Variants in CXADR observed in about 807,000 individuals in gnomAD.
CXADR encodes CXADR cell adhesion molecule.
In CXADR, 20 loss-of-function variants were observed where a neutral mutation model predicts 40.3. The ratio of observed to expected loss-of-function variants is 0.50; its 90% CI spans 0.35 to 0.72. CXADR has a LOEUF of 0.72. Among genes scored for constraint, CXADR ranks in the 30% least tolerant of loss-of-function variants. The probability of loss-of-function intolerance (pLI) is 0.01; values close to 1 mark genes in which losing one functional copy is unlikely to be tolerated. For missense variants in CXADR, 332 were observed against 449.1 expected (o/e 0.74, Z 2.36); for synonymous variants, 150 against 161.3 (o/e 0.93, Z 0.53).
chr21:17,561,986 TG>T (rs2061128792), intron 6 of CXADR, among the ~76,000 whole-genome samples: 1 of 152,144 alleles, frequency 6.6e-6, no homozygotes, highest in African/African-American at 2.4e-5. Flanking sequence ...AGGTCTAGGG[TG>T]GGGTCTGGAC....
chr21:17,602,664 T>C, the CXADR span, among the ~76,000 whole-genome samples: 2 of 152,124 alleles, frequency 1.3e-5, no homozygotes, highest in African/African-American at 4.8e-5. Context: ...TTTGGCAAAT[T>C]TACATATAAA....
At chr21:17,593,080 T>G (rs904108790) in intron 7 of CXADR, 2 of 1,224,880 alleles carry the variant, frequency 1.6e-6, no homozygotes, top group Non-Finnish European at 2.1e-6. Flanking sequence ...TTGCTGATCT[T>G]AGTTTTTAAA....
At chr21:17,536,819 T>C (rs1221076342) in intron 1 of CXADR, among the ~76,000 whole-genome samples, 1 of 152,120 alleles carries the variant, frequency 6.6e-6, no homozygotes, top group Non-Finnish European at 1.5e-5. Context: ...TGCAGTGGTG[T>C]GATCTCAGCT....
chr21:17,611,921 G>A, the CXADR span: 5 of 152,236 alleles, frequency 3.3e-5, no homozygotes, highest in African/African-American at 4.8e-5. Flanking sequence ...CGTTCCCAAG[G>A]TGGAGGGCGC....
the CXADR span, among the ~76,000 whole-genome samples, chr21:17,619,803 A>G: frequency 8.6e-6 from 1 of 116,312 alleles, no homozygotes; most frequent in South Asian, 2.5e-4. Context: ...TTTCTCTATC[A>G]GCATTTACTG....
chr21:17,559,154 TA>T (rs2061073935), intron 4 of CXADR, 23 bp downstream of exon 4: 2 of 1,612,644 alleles, frequency 1.2e-6, no homozygotes, highest in East Asian at 2.2e-5. Flanking sequence ...ATAGTATTTG[TA>T]CCACATGCCA....
chr21:17,581,092 T>C (rs17694166), intron 7 of CXADR, among the ~76,000 whole-genome samples: 9,661 of 152,280 alleles, frequency 0.063, 342 homozygotes, highest in Middle Eastern at 0.11. Context: ...CAGGTCATTC[T>C]GTATTTCCCT....
At position 17,566,906 on chromosome 21, in the gene CXADR, T is replaced by G; in HGVS notation, c.*1214T>G. 2 of 983,560 alleles carry G rather than the reference T, an allele frequency of 2.0e-6. No individual in the cohort carries two copies. Among genetic ancestry groups the G allele is most frequent in the Non-Finnish European group, 2.4e-6 (2 of 829,052 alleles). 60.9% of individuals were successfully genotyped at this position (983,560 alleles called of 1,614,324 possible). A position where few individuals can be genotyped will look rare whatever the true frequency, so the allele number is the denominator to read the frequency against. On this transcript the variant is annotated 3_prime_UTR_variant, in exon 7 of 7. Transcript: ENST00000284878. ...AGTTCCAGCAAATCAAGCTGAGCTT[T>G]GAAAAAGTTTGTCTTAGTTTTGTGA...
At chr21:17,618,089 C>T in the CXADR span, among the ~76,000 whole-genome samples, 2 of 152,228 alleles carry the variant, frequency 1.3e-5, no homozygotes. Flanking sequence ...CCGTGGCTCA[C>T]ACCTGTAATC....
intron 6 of CXADR, among the ~76,000 whole-genome samples, chr21:17,565,208 CTCTT>C (rs1385827528): frequency 6.6e-6 from 1 of 152,096 alleles, no homozygotes; most frequent in Non-Finnish European, 1.5e-5. Context: ...GAAGTTATAA[CTCTT>C]TAATCAGAAT....
At position 17,569,566 on chromosome 21, in the gene CXADR, TTA is replaced by T; in HGVS notation, c.*3877_*3878del. ...TGAGCACAAATTCCTTTTATAAATG[TTA>T]TAGAAGCAGGGAAGAATAATAAACA... On this transcript the variant is annotated 3_prime_UTR_variant, in exon 7 of 7. Transcript: ENST00000284878. The T allele has an allele frequency of 1.0e-6, 1 of 985,310 alleles. No individual in the cohort carries two copies. Among genetic ancestry groups the T allele is most frequent in the South Asian group, 4.7e-5 (1 of 21,288 alleles). 61.0% of individuals were successfully genotyped at this position (985,310 alleles called of 1,614,324 possible).
At chr21:17,540,424 G>A (rs2060812908) in intron 1 of CXADR, among the ~76,000 whole-genome samples, 1 of 152,162 alleles carries the variant, frequency 6.6e-6, no homozygotes, top group South Asian at 2.1e-4. Flanking sequence ...TTGCTGTTGG[G>A]TGAATGGAAC....
chr21:17,561,009 T>C (rs1378450015), intron 5 of CXADR, among the ~76,000 whole-genome samples, 185 bp downstream of exon 5: 1 of 152,210 alleles, frequency 6.6e-6, no homozygotes, highest in Non-Finnish European at 1.5e-5. Flanking sequence ...TGCAATGATA[T>C]ATTAAGAAGG....
chr21:17,530,485 G>A (rs2060659491), intron 1 of CXADR: 1 of 446,910 alleles, frequency 2.2e-6, no homozygotes, highest in Admixed American at 2.5e-5. Flanking sequence ...TCTACTGATG[G>A]ACCCTTTTTC....
chr21:17,555,145 C>G (rs1381609226), intron 3 of CXADR, among the ~76,000 whole-genome samples: 2 of 152,130 alleles, frequency 1.3e-5, no homozygotes, highest in Middle Eastern at 3.2e-3. Context: ...GGGCACCTTC[C>G]CCTGGAGCTC....
At chr21:17,539,301 TTG>T (rs1354686148) in intron 1 of CXADR, among the ~76,000 whole-genome samples, 10 of 152,216 alleles carry the variant, frequency 6.6e-5, no homozygotes, top group African/African-American at 9.6e-5. Context: ...CCATATTTTC[TTG>T]TGTTATTAGA....
intron 7 of CXADR, among the ~76,000 whole-genome samples, chr21:17,577,312 AT>A (rs886127947): frequency 1.3e-5 from 2 of 151,920 alleles, no homozygotes; most frequent in African/African-American, 4.8e-5. Flanking sequence ...ATGTTCTCTA[AT>A]TTTTTTTCTA....
downstream of CXADR, chr21:17,598,578 C>G (rs2061533206): frequency 6.4e-7 from 1 of 1,569,624 alleles, no homozygotes; most frequent in African/African-American, 1.4e-5. Context: ...CTGGCAATCC[C>G]TGCACATCCC....
chr21:17,624,387 T>G, the CXADR span, among the ~76,000 whole-genome samples: 1 of 152,206 alleles, frequency 6.6e-6, no homozygotes, highest in Non-Finnish European at 1.5e-5. Flanking sequence ...TCCAGTGCCT[T>G]CAGTCTGCAG....
Sources: allele counts gnomAD v4.1 joint callset (sites outside exome capture counted in the v4.1 genomes callset), GRCh38; gene constraint gnomAD v4.1.1; transcripts MANE v1.5; gene names NCBI Gene and HGNC (gene_info 2026-07-23, HGNC 2026-07-21).